The following RTN4 variants were observed in gnomAD, a reference collection of about 807,000 sequenced individuals.
The protein encoded by RTN4 is reticulon 4, also known as reticulon-4.
In RTN4, 32 loss-of-function variants were observed where a neutral mutation model predicts 90.4. That is an observed-to-expected ratio of 0.35 (90% confidence interval 0.27 to 0.48). The LOEUF (loss-of-function observed/expected upper bound fraction) is 0.48, where lower values mean the gene tolerates loss of function less well. Among genes scored for constraint, RTN4 ranks in the 20% least tolerant of loss-of-function variants. The probability of loss-of-function intolerance (pLI) is 0.99; values close to 1 mark genes in which losing one functional copy is unlikely to be tolerated. For synonymous variants in RTN4, 629 were observed against 552.5 expected (o/e 1.14, Z -1.94); for missense variants, 1,706 against 1,430.2 (o/e 1.19, Z -3.11).
At chr2:55,111,236 T>A (rs1218110699) in intron 1 of RTN4, among the ~76,000 whole-genome samples, 1 of 151,724 alleles carries the variant, frequency 6.6e-6, no homozygotes, top group East Asian at 1.9e-4. Flanking sequence ...AATACTTGCA[T>A]GAAAAAAAAA....
intron 7 of RTN4, 98 bp from the exon 8 acceptor site, chr2:54,973,719 T>C (rs1677348150): frequency 2.0e-6 from 3 of 1,491,232 alleles, no homozygotes; most frequent in African/African-American, 1.4e-5. Flanking sequence ...ATCACACTTC[T>C]CATTTTTGTA....
At chr2:54,979,695 G>A (rs980759163) in intron 5 of RTN4, among the ~76,000 whole-genome samples, 6 of 152,186 alleles carry the variant, frequency 3.9e-5, no homozygotes, top group Non-Finnish European at 8.8e-5. Context: ...GTGTGCACCT[G>A]AATTACCAAG....
In RTN4 at chr2:55,003,692, G is replaced by A. The variant is rs147174861; in HGVS notation, c.3014-15994C>T. 6.8e-3 allele frequency among the ~76,000 whole-genome samples: 1,028 copies of A among 152,264 alleles called. 5 individuals carry two copies. Among genetic ancestry groups the A allele is most frequent in the Non-Finnish European group, 9.8e-3 (664 of 68,020 alleles). On this transcript the variant is annotated intron_variant, in intron 3 of 8. Coordinates refer to ENST00000337526, the MANE Select transcript of RTN4 (RefSeq NM_020532.5). ...ACATCTGCGGATTCAACTAACTGTGGATGGAAAAATGTAGCTAGACCTATG... is the reference window on the plus strand; with the variant it reads ...ACATCTGCGGATTCAACTAACTGTGAATGGAAAAATGTAGCTAGACCTATG...
intron 5 of RTN4, among the ~76,000 whole-genome samples, chr2:54,975,019 A>G (rs578004362): frequency 1.3e-5 from 2 of 152,342 alleles, no homozygotes; most frequent in South Asian, 4.1e-4. Flanking sequence ...AGATCAGACA[A>G]TATACCAAGG....
At chr2:54,980,188 A>G (rs939946042) in intron 5 of RTN4, among the ~76,000 whole-genome samples, 24 of 152,246 alleles carry the variant, frequency 1.6e-4, no homozygotes, top group African/African-American at 4.8e-4. Flanking sequence ...TTTCAAAAGA[A>G]ATTAAAATAT....
At chr2:54,981,722 A>G (rs1204516444) in intron 5 of RTN4, among the ~76,000 whole-genome samples, 1 of 152,208 alleles carries the variant, frequency 6.6e-6, no homozygotes, top group Admixed American at 6.5e-5. Flanking sequence ...AAAACTTCCA[A>G]TGATTACCAG....
intron 1 of RTN4, among the ~76,000 whole-genome samples, chr2:55,045,304 T>C (rs779616404): frequency 6.6e-6 from 1 of 152,236 alleles, no homozygotes; most frequent in African/African-American, 2.4e-5. Context: ...TCCTATCAAT[T>C]CGTCTTTCAT....
the RTN4 span, among the ~76,000 whole-genome samples, chr2:55,119,853 T>C: frequency 6.6e-6 from 1 of 152,180 alleles, no homozygotes; most frequent in East Asian, 1.9e-4. Flanking sequence ...CAACCCATAA[T>C]TATGCAGGGG....
At chr2:55,006,874 CA>C (rs1392804079) in intron 3 of RTN4, among the ~76,000 whole-genome samples, 1 of 152,118 alleles carries the variant, frequency 6.6e-6, no homozygotes, top group African/African-American at 2.4e-5. Flanking sequence ...CCTAAAGCCG[CA>C]GACCTCCATA....
rs747378956 is a variant in RTN4, at chr2:55,106,964, G to A, written c.-214+5556C>T. On this transcript the variant is annotated intron_variant, in intron 1 of 3. Coordinates refer to the RTN4 transcript ENST00000427710. ...CGTAAGTGTAAAATCATATATTTTA[G>A]AGTAGTGTGAGCTTTTAATGTTAAG... Among the ~76,000 whole-genome samples, 81 of 152,260 alleles carry A rather than the reference G, an allele frequency of 5.3e-4. 1 individual carries two copies. The highest frequency in any genetic ancestry group is 4.1e-4 in the South Asian group (2 of 4,834).
At chr2:55,086,842 T>TG (rs1668851315) in intron 1 of RTN4, among the ~76,000 whole-genome samples, 1 of 151,634 alleles carries the variant, frequency 6.6e-6, no homozygotes, top group South Asian at 2.1e-4. Flanking sequence ...TTTTTTTTTT[T>TG]GTAGACGATT....
upstream of RTN4, among the ~76,000 whole-genome samples, chr2:55,053,416 G>A (rs991055403): frequency 1.3e-5 from 2 of 152,126 alleles, no homozygotes; most frequent in African/African-American, 4.8e-5. Flanking sequence ...GACGGGCACC[G>A]TGACTCATGC....
In RTN4 at chr2:55,049,754, C is replaced by A; in HGVS notation, c.547G>T (p.Gly183Cys). The change falls in exon 1 of 9, where the codon GGC becomes TGC. Residue 183 changes from glycine (G) to cysteine (C), a missense_variant. Coordinates refer to ENST00000337526, the MANE Select transcript of RTN4 (RefSeq NM_020532.5). ...PAAPKRRGSS[G>C]SVDETLFALP... The stretch of plus-strand genomic sequence containing the variant: ...AGGTCGCGGCACTCACCCACTGAGC[C>A]CGAGGAGCCCCTGCGCTTGGGCGCG... The A allele has an allele frequency of 1.5e-6, 2 of 1,347,440 alleles. No homozygotes were observed. The highest frequency in any genetic ancestry group is 1.9e-6 in the Non-Finnish European group (2 of 1,049,106). 83.5% of individuals were successfully genotyped at this position (1,347,440 alleles called of 1,614,324 possible). A position where few individuals can be genotyped will look rare whatever the true frequency, so the allele number is the denominator to read the frequency against.
chr2:55,069,288 G>A (rs1668447289), intron 2 of RTN4, among the ~76,000 whole-genome samples: 1 of 152,184 alleles, frequency 6.6e-6, no homozygotes, highest in South Asian at 2.1e-4. Context: ...ACCTTTATCA[G>A]TGAGATAAAA....
At chr2:55,000,649 T>C (rs1400735534) in intron 3 of RTN4, among the ~76,000 whole-genome samples, 4 of 152,210 alleles carry the variant, frequency 2.6e-5, no homozygotes, top group African/African-American at 7.2e-5. Context: ...TATTTGTACA[T>C]TTGTAATGTA....
chr2:54,993,618 C>T lies in RTN4; in HGVS notation c.3014-5920G>A, dbSNP rs977237724. On this transcript the variant is annotated intron_variant, in intron 3 of 8. Transcript: ENST00000337526. ...ATGGAAAAGCTCTGAAAATTACATA[C>T]GTAAGCCCACACATACTGAATAAAA... Among the ~76,000 whole-genome samples the T allele has an allele frequency of 2.6e-5, 4 of 152,264 alleles. No homozygotes were observed. The South Asian group carries it at 6.2e-4, about 24-fold the overall frequency.
intron 3 of RTN4, among the ~76,000 whole-genome samples, chr2:55,023,159 T>C (rs1455081948): frequency 1.3e-5 from 2 of 152,130 alleles, no homozygotes; most frequent in African/African-American, 4.8e-5. Flanking sequence ...CACCCTCAAC[T>C]TTCTTGACTT....
chr2:55,031,370 G>A (rs1682301580), intron 1 of RTN4, among the ~76,000 whole-genome samples: 1 of 152,222 alleles, frequency 6.6e-6, no homozygotes, highest in South Asian at 2.1e-4. Flanking sequence ...CTAAGCTGAG[G>A]AGGCTGAGGA....
chr2:55,048,456 T>C (rs898252926), intron 1 of RTN4, among the ~76,000 whole-genome samples: 1 of 152,214 alleles, frequency 6.6e-6, no homozygotes, highest in Non-Finnish European at 1.5e-5. Flanking sequence ...ATTTTAAAGC[T>C]ATAGAAAAGA....
Sources: allele counts gnomAD v4.1 joint callset (sites outside exome capture counted in the v4.1 genomes callset), GRCh38; gene constraint gnomAD v4.1.1; transcripts MANE v1.5; gene names NCBI Gene and HGNC (gene_info 2026-07-23, HGNC 2026-07-21).